CSMD1: variants seen among roughly 807,000 people sequenced by gnomAD.
CSMD1 encodes the protein CUB and Sushi multiple domains 1, also known as CUB and sushi domain-containing protein 1.
Under a neutral mutation model 417.5 loss-of-function variants are expected in CSMD1, and 213 were observed. The ratio of observed to expected loss-of-function variants is 0.51; its 90% CI spans 0.46 to 0.57. CSMD1 has a LOEUF of 0.57. Ranked by LOEUF, CSMD1 falls within the 20% of genes least tolerant of loss-of-function variation. CSMD1 has a pLI of 0.00. For missense variants in CSMD1, 6,923 were observed against 4,529.7 expected (o/e 1.53, Z -15.17); for synonymous variants, 2,862 against 1,736.8 (o/e 1.65, Z -16.11).
intron 5 of CSMD1, 65 bp downstream of exon 5, chr8:3,997,838 T>C (rs1815334546): frequency 7.2e-7 from 1 of 1,381,928 alleles, no homozygotes; most frequent in African/African-American, 1.6e-5. Flanking sequence ...TTCTTGAAGC[T>C]CGTTGGGGGA....
intron 7 of CSMD1, among the ~76,000 whole-genome samples, chr8:3,618,939 G>A (rs903607844): frequency 6.6e-6 from 1 of 152,100 alleles, no homozygotes; most frequent in Non-Finnish European, 1.5e-5. Context: ...CTGAGAGACT[G>A]AGCTCTGTCT....
chr8:4,355,384 CGCGTTAAGAGTGTTCTTAACAGAAGTA>C (rs1194620417), intron 3 of CSMD1, among the ~76,000 whole-genome samples: 2 of 151,776 alleles, frequency 1.3e-5, no homozygotes, highest in Non-Finnish European at 2.9e-5. Context: ...ACAAAAATGA[CGCGTTAAGAGTGTTCTTAACAGAAGTA>C]GCGAATTCAG....
At chr8:3,997,797 T>C (rs997800675) in intron 5 of CSMD1, 106 bp downstream of exon 5, 1 of 1,001,532 alleles carries the variant, frequency 1.0e-6, no homozygotes. Flanking sequence ...GGAACACACA[T>C]GCTTGCCCAT....
chr8:3,303,221 A>G (rs1804552615), intron 25 of CSMD1, among the ~76,000 whole-genome samples: 1 of 152,174 alleles, frequency 6.6e-6, no homozygotes, highest in Admixed American at 6.6e-5. Flanking sequence ...GTCTATGTAC[A>G]GAGGCTGGAC....
intron 1 of CSMD1, among the ~76,000 whole-genome samples, chr8:4,817,881 G>C (rs547726689): frequency 6.6e-6 from 1 of 152,120 alleles, no homozygotes; most frequent in South Asian, 2.1e-4. Context: ...TAGAGTTTCA[G>C]CAAAGAACAT....
intron 21 of CSMD1, among the ~76,000 whole-genome samples, chr8:3,357,175 G>A (rs1276227047): frequency 6.6e-6 from 1 of 152,166 alleles, no homozygotes; most frequent in South Asian, 2.1e-4. Context: ...CACCAGAGGG[G>A]CTGGAGGAAA....
rs140994551 is a variant in CSMD1, at chr8:4,591,564, G to T, written c.302+45778C>A. On this transcript the variant is annotated intron_variant, in intron 2 of 69. Transcript: ENST00000635120. ...GGACACAGAGAGGACTGTAGTGCAG[G>T]CTTCTCTCTTGGGAGCAGATGCAAG... Among the ~76,000 whole-genome samples, 651 of 152,270 alleles carry T rather than the reference G, an allele frequency of 4.3e-3. 6 individuals carry two copies. The highest frequency in any genetic ancestry group is 0.015 in the African/African-American group (628 of 41,554).
chr8:2,957,844 G>C (rs777975683), intron 62 of CSMD1, 37 bp from the exon 63 acceptor site: 2 of 1,385,554 alleles, frequency 1.4e-6, no homozygotes, highest in South Asian at 1.2e-5. Context: ...CAGAGGCCAA[G>C]GGAATATACG....
chr8:3,910,614 G>T (rs1808401579), intron 5 of CSMD1, among the ~76,000 whole-genome samples: 1 of 152,118 alleles, frequency 6.6e-6, no homozygotes, highest in South Asian at 2.1e-4. Flanking sequence ...AAAGACAGAT[G>T]ATTTTAATAT....
chr8:4,117,129 C>T (rs1370989673), intron 3 of CSMD1, among the ~76,000 whole-genome samples: 1 of 151,760 alleles, frequency 6.6e-6, no homozygotes, highest in African/African-American at 2.4e-5. Flanking sequence ...CTGCCACATT[C>T]TAGCCAAGGA....
chr8:4,538,714 A>G (rs999013710), intron 2 of CSMD1, among the ~76,000 whole-genome samples: 6 of 152,234 alleles, frequency 3.9e-5, no homozygotes, highest in African/African-American at 1.2e-4. Context: ...CACTTGTCAT[A>G]CATCCTAGCA....
At chr8:4,130,734 A>C (rs1287790328) in intron 3 of CSMD1, among the ~76,000 whole-genome samples, 1 of 152,122 alleles carries the variant, frequency 6.6e-6, no homozygotes, top group Non-Finnish European at 1.5e-5. Context: ...TTTGTCTATC[A>C]ACTCAAAGGA....
At chr8:3,304,681 C>T (rs1183146658) in intron 25 of CSMD1, among the ~76,000 whole-genome samples, 1 of 151,928 alleles carries the variant, frequency 6.6e-6, no homozygotes, top group Admixed American at 6.6e-5. Context: ...AAGGTCAGTT[C>T]ATGCAATAAA....
chr8:4,562,524 T>A (rs1030696266), intron 2 of CSMD1, among the ~76,000 whole-genome samples: 2 of 152,216 alleles, frequency 1.3e-5, no homozygotes, highest in Non-Finnish European at 2.9e-5. Context: ...TAAGAAAAGA[T>A]AACTTTAGTT....
chr8:3,624,017 G>A (rs1482214), intron 7 of CSMD1, among the ~76,000 whole-genome samples: 1 of 151,748 alleles, frequency 6.6e-6, no homozygotes, highest in African/African-American at 2.4e-5. Context: ...CTGTACTCTG[G>A]CCATAATTAC....
intron 2 of CSMD1, among the ~76,000 whole-genome samples, chr8:4,580,660 G>A (rs1799371540): frequency 6.6e-6 from 1 of 151,934 alleles, no homozygotes; most frequent in Admixed American, 6.6e-5. Context: ...CTTCTACCCT[G>A]GCTGAGCAAA....
intron 5 of CSMD1, among the ~76,000 whole-genome samples, chr8:3,902,841 A>T (rs1430673142): frequency 6.6e-6 from 1 of 150,532 alleles, no homozygotes; most frequent in African/African-American, 2.5e-5. Flanking sequence ...CCCATCTTGG[A>T]TACTGAATAA....
At chr8:3,358,062 G>C (rs796134364) in intron 21 of CSMD1, among the ~76,000 whole-genome samples, 21 of 152,246 alleles carry the variant, frequency 1.4e-4, no homozygotes, top group African/African-American at 4.8e-4. Flanking sequence ...CAGAATCAAA[G>C]AGATTCTGCA....
intron 1 of CSMD1, among the ~76,000 whole-genome samples, chr8:4,766,195 G>A (rs1009981548): frequency 6.6e-6 from 1 of 152,098 alleles, no homozygotes; most frequent in Non-Finnish European, 1.5e-5. Context: ...AACATATGTT[G>A]CCTACTAACA....
Sources: allele counts gnomAD v4.1 joint callset (sites outside exome capture counted in the v4.1 genomes callset), GRCh38; gene constraint gnomAD v4.1.1; transcripts MANE v1.5; gene names NCBI Gene and HGNC (gene_info 2026-07-23, HGNC 2026-07-21).